OXR1: variants seen among roughly 807,000 people sequenced by gnomAD.
OXR1 encodes the protein oxidation resistance 1, also known as oxidation resistance protein 1.
A neutral mutation model predicts 104.6 loss-of-function variants in OXR1; 41 were observed. The observed-to-expected ratio is 0.39, with a 90% CI of 0.31 to 0.51. The LOEUF (loss-of-function observed/expected upper bound fraction) is 0.51. Among genes scored for constraint, OXR1 ranks in the 20% least tolerant of loss-of-function variants. The pLI is 0.77. For synonymous variants in OXR1, 348 were observed against 348.4 expected, an observed-to-expected ratio of 1.00 and a Z score of 0.01; for missense variants, 955 against 1,031.9, an observed-to-expected ratio of 0.93 and a Z score of 1.02.
At chr8:106,514,215 T>G (rs972055570) in intron 2 of OXR1, among the ~76,000 whole-genome samples, 4 of 152,164 alleles carry the variant, frequency 2.6e-5, no homozygotes, top group Non-Finnish European at 5.9e-5. Flanking sequence ...CACCTATATG[T>G]TCCATTATGC....
chr8:106,344,934 T>A (rs539130026), intron 1 of OXR1, among the ~76,000 whole-genome samples: 1 of 152,342 alleles, frequency 6.6e-6, no homozygotes, highest in Non-Finnish European at 1.5e-5. Flanking sequence ...TCAAAAGTTG[T>A]GTCAAGTGTC....
At chr8:106,733,413 A>G (rs987424761) in intron 11 of OXR1, among the ~76,000 whole-genome samples, 1 of 152,166 alleles carries the variant, frequency 6.6e-6, no homozygotes, top group African/African-American at 2.4e-5. Flanking sequence ...CTGAAAGATT[A>G]CAAAATTGGC....
chr8:106,691,827 C>T (rs979614040), intron 6 of OXR1, among the ~76,000 whole-genome samples: 17 of 150,220 alleles, frequency 1.1e-4, no homozygotes, highest in Non-Finnish European at 2.1e-4. Flanking sequence ...GAAAGGGAAG[C>T]GATACAATAT....
chr8:106,638,385 T>C (rs1349753878), intron 3 of OXR1, among the ~76,000 whole-genome samples: 1 of 152,206 alleles, frequency 6.6e-6, no homozygotes, highest in Non-Finnish European at 1.5e-5. Context: ...CATTTTTTAG[T>C]ACTTTTCTTC....
At chr8:106,382,682 GTTTTTTT>G (rs35296978) in intron 2 of OXR1, among the ~76,000 whole-genome samples, 3,414 of 86,204 alleles carry the variant, frequency 0.04, 74 homozygotes, top group Middle Eastern at 0.068. Context: ...AGAACTATAG[GTTTTTTT>G]TTTTTTTTTT....
intron 2 of OXR1, among the ~76,000 whole-genome samples, chr8:106,506,441 G>A (rs529024717): frequency 9.9e-5 from 15 of 152,074 alleles, no homozygotes; most frequent in South Asian, 4.2e-4. Context: ...GTGAAACCCC[G>A]TCTCTACTAA....
chr8:106,417,184 A>G (rs1818715154), intron 2 of OXR1, among the ~76,000 whole-genome samples: 1 of 152,102 alleles, frequency 6.6e-6, no homozygotes. Flanking sequence ...AAATCACTAT[A>G]ATAGTACCTA....
chr8:106,394,175 C>G (rs1288682027), intron 2 of OXR1, among the ~76,000 whole-genome samples: 1 of 151,920 alleles, frequency 6.6e-6, no homozygotes, highest in Non-Finnish European at 1.5e-5. Context: ...AACACATTTT[C>G]AGCTATTGAC....
At chr8:106,705,130 C>T (rs1318573449) in intron 8 of OXR1, among the ~76,000 whole-genome samples, 2 of 152,090 alleles carry the variant, frequency 1.3e-5, no homozygotes, top group African/African-American at 4.8e-5. Context: ...TATATCCTGT[C>T]ACGTTTGTTA....
intron 1 of OXR1, among the ~76,000 whole-genome samples, chr8:106,298,977 G>T (rs1033083439): frequency 2.0e-5 from 3 of 151,876 alleles, no homozygotes; most frequent in African/African-American, 4.8e-5. Context: ...TGTGTTATAT[G>T]TAATAACATT....
intron 1 of OXR1, among the ~76,000 whole-genome samples, chr8:106,325,366 G>T (rs545469371): frequency 6.6e-6 from 1 of 152,288 alleles, no homozygotes; most frequent in African/African-American, 2.4e-5. Context: ...TCCTTCGGAA[G>T]ACTTGCTAGT....
intron 6 of OXR1, among the ~76,000 whole-genome samples, chr8:106,685,873 C>G (rs1041303411): frequency 6.6e-6 from 1 of 152,000 alleles, no homozygotes; most frequent in Admixed American, 6.6e-5. Context: ...AGGGAACCAC[C>G]CCAAATGCCC....
At position 106,679,417 on chromosome 8, in the gene OXR1, C is replaced by G. The variant is rs1422490421; in HGVS notation, c.303+125C>G. 7 of 448,772 alleles carry G rather than the reference C, an allele frequency of 1.6e-5. No homozygotes were observed. In the South Asian group the frequency reaches 4.1e-4, roughly 26 times the overall value. 27.8% of individuals were successfully genotyped at this position (448,772 alleles called of 1,614,324 possible). Reference sequence around the variant, plus strand: ...CTTATTTTTAAAAATCTGTATTTCACTTTGGATAATTGTTTTATTTTTTAG... The same window carrying G: ...CTTATTTTTAAAAATCTGTATTTCAGTTTGGATAATTGTTTTATTTTTTAG... On this transcript the variant is annotated intron_variant, in intron 4 of 16. Coordinates refer to ENST00000517566, the MANE Select transcript of OXR1 (RefSeq NM_001198533.2).
chr8:106,704,329 A>T (rs1830895682), intron 8 of OXR1, among the ~76,000 whole-genome samples: 1 of 148,382 alleles, frequency 6.7e-6, no homozygotes, highest in South Asian at 2.2e-4. Context: ...AGAGAGAGAG[A>T]GAGTCATTGG....
intron 2 of OXR1, among the ~76,000 whole-genome samples, chr8:106,400,242 A>T (rs1034004986): frequency 6.6e-6 from 1 of 152,122 alleles, no homozygotes; most frequent in Non-Finnish European, 1.5e-5. Flanking sequence ...TAAAGTGTTC[A>T]TGCTCCATAT....
At chr8:106,627,643 C>T (rs1257585516) in intron 3 of OXR1, among the ~76,000 whole-genome samples, 5 of 152,260 alleles carry the variant, frequency 3.3e-5, no homozygotes, top group South Asian at 2.1e-4. Flanking sequence ...ACTTCTTCCC[C>T]GCAGCCAAGA....
intron 3 of OXR1, among the ~76,000 whole-genome samples, chr8:106,658,650 C>G (rs1825426307): frequency 6.6e-6 from 1 of 152,184 alleles, no homozygotes; most frequent in Non-Finnish European, 1.5e-5. Flanking sequence ...AAATAAAAAG[C>G]CAGATACTTC....
chr8:106,523,114 T>A (rs1047211108), intron 3 of OXR1, among the ~76,000 whole-genome samples: 1 of 152,196 alleles, frequency 6.6e-6, no homozygotes, highest in Non-Finnish European at 1.5e-5. Flanking sequence ...CACTCTCAGC[T>A]CCTAGGGGCC....
At chr8:106,707,370 A>T (rs1831247653) in intron 9 of OXR1, 1 of 634,576 alleles carries the variant, frequency 1.6e-6, no homozygotes, top group Non-Finnish European at 2.8e-6. Flanking sequence ...GCTACCCACC[A>T]TGTTTAAACA....
Sources: gnomAD v4.1 joint callset for allele counts (sites outside exome capture counted in the v4.1 genomes callset) on GRCh38, gnomAD v4.1.1 for gene constraint, MANE v1.5 for transcripts, NCBI Gene and HGNC (gene_info 2026-07-23, HGNC 2026-07-21) for gene names.